Variants in NPM2 observed in about 807,000 individuals in gnomAD.
NPM2 encodes the protein nucleophosmin/nucleoplasmin 2, also known as nucleoplasmin-2.
In NPM2, 25 loss-of-function variants were observed where a neutral mutation model predicts 32.0. The observed-to-expected ratio is 0.78, with a 90% confidence interval of 0.57 to 1.09. NPM2 has a LOEUF of 1.09. NPM2 is among the 50% of genes least tolerant of loss of function. NPM2 has a pLI of 0.00. For missense variants in NPM2, 282 were observed against 259.9 expected (o/e 1.08, Z -0.58); for synonymous variants, 111 against 94.2 (o/e 1.18, Z -1.04).
intron 8 of NPM2, among the ~76,000 whole-genome samples, chr8:22,035,970 T>A (rs7829475): frequency 1.4e-5 from 2 of 140,778 alleles, no homozygotes; most frequent in African/African-American, 5.3e-5. Context: ...AAAAAAATAA[T>A]AACCCTGAAA....
At chr8:22,030,895 T>C (rs1011202005) in intron 5 of NPM2, among the ~76,000 whole-genome samples, 4 of 152,190 alleles carry the variant, frequency 2.6e-5, no homozygotes, top group Non-Finnish European at 5.9e-5. Context: ...GTCGGGCTAG[T>C]CTGCAGTCAC....
At chr8:22,025,042 G>A (rs1346902256) in intron 2 of NPM2, 174 bp from the exon 3 acceptor site, 9 of 568,622 alleles carry the variant, frequency 1.6e-5, no homozygotes, top group African/African-American at 3.9e-5. Context: ...TGCGCACCCC[G>A]CTAGGAGGTG....
Position 22,034,553 on chromosome 8 carries a change from T to A in NPM2, c.566+9T>A, listed in dbSNP as rs1189374186. The A allele has an allele frequency of 3.1e-6, 5 of 1,605,352 alleles. No individual in the cohort carries two copies. The highest frequency in any genetic ancestry group is 1.7e-4 in the Middle Eastern group (1 of 6,054). On this transcript the variant is annotated intron_variant, in intron 8 of 9. Coordinates refer to ENST00000518119, the MANE Select transcript of NPM2 (RefSeq NM_001286680.2). ...GAAGAAGAGGAAATAAGGTAACTCT[T>A]TCTACCTATTAAATTAGCCAAAGTC...
chr8:22,027,709 T>C (rs2309309), intron 5 of NPM2, among the ~76,000 whole-genome samples: 151,378 of 152,048 alleles, frequency 1, 75,361 homozygotes, highest in Middle Eastern at 1. Context: ...CATGTTCGAG[T>C]GATTCTCCCA....
rs775907632 is a variant in NPM2 at position 22,025,306 on chromosome 8, G to A, written c.58G>A (p.Gly20Ser). The change falls in exon 3 of 10, where the codon GGC becomes AGC. Residue 20 changes from glycine to serine, a missense_variant and splice_region_variant. Gly to Ser is a moderately conservative substitution (Grantham distance 56). Coordinates refer to ENST00000518119, the MANE Select transcript of NPM2 (RefSeq NM_001286680.2). ...EEKAVTTVLWGCELSQERRTW... is the reference protein window; with the variant it reads ...EEKAVTTVLWSCELSQERRTW... ...AAAGGCAGTGACGACCGTGCTCTGG[G>A]GTGAGTGGGGACTCAGGCTCCTTCC... is the stretch of plus-strand genomic sequence containing the variant. The A allele has an allele frequency of 6.2e-7, 1 of 1,608,162 alleles. No individual in the cohort carries two copies. Among genetic ancestry groups the A allele is most frequent in the Admixed American group, 1.7e-5 (1 of 58,438 alleles).
chr8:22,035,292 G>A (rs1375694908), intron 8 of NPM2, among the ~76,000 whole-genome samples: 3 of 152,162 alleles, frequency 2.0e-5, no homozygotes, highest in Non-Finnish European at 2.9e-5. Context: ...TTTGTTTAAT[G>A]AGACAGGGTT....
chr8:22,028,833 G>C (rs1800343242), intron 5 of NPM2, among the ~76,000 whole-genome samples: 1 of 152,138 alleles, frequency 6.6e-6, no homozygotes, highest in African/African-American at 2.4e-5. Flanking sequence ...ACAGTATGTA[G>C]CTAGATTTTG....
chr8:22,030,255 T>C (rs1261655064), intron 5 of NPM2, among the ~76,000 whole-genome samples: 1 of 152,208 alleles, frequency 6.6e-6, no homozygotes, highest in Non-Finnish European at 1.5e-5. Flanking sequence ...ATTTTTGTTT[T>C]AAAGACAAGG....
chr8:22,034,348 G>T, intron 7 of NPM2, 73 bp downstream of exon 7: 1 of 1,472,042 alleles, frequency 6.8e-7, no homozygotes. Context: ...GTGGGCCACC[G>T]GGAGCCTGGG....
intron 5 of NPM2, among the ~76,000 whole-genome samples, chr8:22,027,798 G>A (rs1800305717): frequency 6.6e-6 from 1 of 152,072 alleles, no homozygotes; most frequent in African/African-American, 2.4e-5. Context: ...GTAGAGATGG[G>A]TTTTTGCCAT....
chr8:22,026,170 G>T (rs1227369975), intron 5 of NPM2, among the ~76,000 whole-genome samples: 1 of 152,094 alleles, frequency 6.6e-6, no homozygotes, highest in African/African-American at 2.4e-5. Flanking sequence ...TGCGTGCGAG[G>T]GGTCTAGGTT....
rs200149834 is a variant in NPM2 at position 22,035,964 on chromosome 8, AAAT to A, written c.567-523_567-521del. Among the ~76,000 whole-genome samples the A allele has an allele frequency of 1.7e-3, 251 of 151,694 alleles. 3 individuals carry two copies. The highest frequency in any genetic ancestry group is 0.014 in the East Asian group (70 of 5,132). ...AAAAAAAAAAGTTTGACCAAGAAAA[AAAT>A]AATAACCCTGAAAGAAAATACACCA... is the stretch of plus-strand genomic sequence containing the variant. On this transcript the variant is annotated intron_variant, in intron 8 of 9. Coordinates refer to ENST00000518119, the MANE Select transcript of NPM2 (RefSeq NM_001286680.2).
Position 22,031,468 on chromosome 8 carries a change from G to A in NPM2, c.271-1662G>A, listed in dbSNP as rs117680190. ...TTGTTGTTCTGTTGTGTTTTTTAAA[G>A]ACAGTCTTGTTCTGTCGCCCAGGCT... On this transcript the variant is annotated intron_variant, in intron 5 of 9. Transcript: ENST00000518119. Among the ~76,000 whole-genome samples the A allele has an allele frequency of 2.4e-3, 364 of 152,270 alleles. 1 individual carries two copies. Among genetic ancestry groups the A allele is most frequent in the South Asian group, 0.015 (74 of 4,822 alleles).
chr8:22,034,501 G>T lies in NPM2; in HGVS notation c.532-9G>T, dbSNP rs1273585984. 3 of 1,607,016 alleles carry T rather than the reference G, an allele frequency of 1.9e-6. No homozygotes were observed. Among genetic ancestry groups the T allele is most frequent in the Admixed American group, 1.7e-5 (1 of 58,840 alleles). On this transcript the variant is annotated splice_polypyrimidine_tract_variant and intron_variant, in intron 7 of 9. Transcript: ENST00000518119. ...GAACTCTCATAATACACTGTTTTTTGGTTCCCAGAAAAAAAAGCTGGAAAA... is the reference window on the plus strand; with the variant it reads ...GAACTCTCATAATACACTGTTTTTTTGTTCCCAGAAAAAAAAGCTGGAAAA...
chr8:22,036,337 C>T (rs1585525385), intron 8 of NPM2, 156 bp from the exon 9 acceptor site: 1 of 635,842 alleles, frequency 1.6e-6, no homozygotes, highest in East Asian at 2.8e-5. Context: ...TGCACACGCA[C>T]ACACATCCCT....
intron 8 of NPM2, among the ~76,000 whole-genome samples, chr8:22,035,130 A>T (rs931276574): frequency 6.6e-6 from 1 of 152,212 alleles, no homozygotes; most frequent in Non-Finnish European, 1.5e-5. Flanking sequence ...AAAGACGCTT[A>T]TGGCATTATT....
At chr8:22,034,694 A>AG (rs1800561792) in intron 8 of NPM2, 150 bp downstream of exon 8, 4 of 640,254 alleles carry the variant, frequency 6.2e-6, no homozygotes, top group Admixed American at 5.8e-5. Flanking sequence ...GAAGTGCTGA[A>AG]GGGTGGCATC....
At chr8:22,033,671 G>A (rs1200986120) in intron 6 of NPM2, among the ~76,000 whole-genome samples, 2 of 152,078 alleles carry the variant, frequency 1.3e-5, no homozygotes, top group African/African-American at 4.8e-5. Flanking sequence ...CATTCATCAG[G>A]GTACTCTCCT....
In NPM2 at chr8:22,025,865, A is replaced by G. The variant is rs543457844; in HGVS notation, c.270+93A>G. The G allele has an allele frequency of 4.0e-4, 620 of 1,559,000 alleles. 5 individuals carry two copies. In the African/African-American group the frequency reaches 6.7e-3, roughly 17 times the overall value. ...ACACACGAGGGTGCATTCACCCTACAGAAATGAGCCATGCTAGGGAGGTAG... is the reference window on the plus strand; with the variant it reads ...ACACACGAGGGTGCATTCACCCTACGGAAATGAGCCATGCTAGGGAGGTAG... On this transcript the variant is annotated intron_variant, in intron 5 of 9. Transcript: ENST00000518119.
Sources: gnomAD v4.1 joint callset for allele counts (sites outside exome capture counted in the v4.1 genomes callset) on GRCh38, gnomAD v4.1.1 for gene constraint, MANE v1.5 for transcripts, NCBI Gene and HGNC (gene_info 2026-07-23, HGNC 2026-07-21) for gene names.